The following TRIM42 variants were observed in gnomAD, a reference collection of about 807,000 sequenced individuals.
TRIM42 encodes the protein tripartite motif containing 42, also known as tripartite motif-containing protein 42.
Under a neutral mutation model 64.9 loss-of-function variants are expected in TRIM42, and 59 were observed. The observed-to-expected ratio is 0.91, with a 90% CI of 0.74 to 1.13. TRIM42 has a LOEUF of 1.13. Ranked by LOEUF, TRIM42 falls within the 50% of genes most tolerant of loss-of-function variation. The pLI is 0.00. For missense variants in TRIM42, 878 were observed against 929.5 expected (o/e 0.94, Z 0.72); for synonymous variants, 354 against 346.3 (o/e 1.02, Z -0.25).
intron 4 of TRIM42, 81 bp from the exon 5 acceptor site, chr3:140,700,807 T>C: frequency 8.1e-7 from 1 of 1,227,850 alleles, no homozygotes. Context: ...ATGATGTGTG[T>C]AGTGTCTGAC....
At chr3:140,685,476 C>T (rs1988525531) in intron 2 of TRIM42, among the ~76,000 whole-genome samples, 1 of 152,188 alleles carries the variant, frequency 6.6e-6, no homozygotes, top group South Asian at 2.1e-4. Context: ...CACCTGAGAG[C>T]TTGTTAGAAA....
chr3:140,678,324 C>T lies in TRIM42; in HGVS notation c.95C>T (p.Thr32Ile), dbSNP rs1559933825. ...CSCLCCKFIF[T>I]SERNCTCFPC... is the part of the protein sequence containing the mutation. ...TGTCTGTGCTGCAAGTTCATCTTCA[C>T]CTCAGAGCGGAACTGCACCTGCTTC... The change falls in exon 1 of 5, where the codon ACC becomes ATC. Residue 32 changes from threonine to isoleucine, a missense_variant. Physicochemically the swap from Thr to Ile is moderately conservative, Grantham distance 89. Coordinates refer to ENST00000286349, the MANE Select transcript of TRIM42 (RefSeq NM_152616.5). 2 of 1,614,188 alleles carry T rather than the reference C, an allele frequency of 1.2e-6. No homozygotes were observed. Among genetic ancestry groups the T allele is most frequent in the South Asian group, 1.1e-5 (1 of 91,080 alleles).
At position 140,682,578 on chromosome 3, in the gene TRIM42, G is replaced by T. The variant is rs141726317; in HGVS notation, c.458G>T (p.Arg153Leu). The change falls in exon 2 of 5, where the codon CGC (arginine) becomes CTC (leucine). Residue 153 changes from arginine to leucine, a missense_variant. Coordinates refer to ENST00000286349, the MANE Select transcript of TRIM42 (RefSeq NM_152616.5). The stretch of plus-strand genomic sequence containing the variant: ...AATTGCCCCATGTGCAGCCGGCTGC[G>T]CCTGCACTCATTCATGCTGCCCTGC... ...HLNCPMCSRL[R>L]LHSFMLPCNH... The T allele has an allele frequency of 2.7e-4, 428 of 1,614,120 alleles. 1 individual carries two copies. Among genetic ancestry groups the T allele is most frequent in the Non-Finnish European group, 3.5e-4 (418 of 1,180,010 alleles).
In TRIM42 at chr3:140,678,169, A is replaced by G; in HGVS notation, c.-61A>G. 2.1e-6 allele frequency: 3 copies of G among 1,422,158 alleles called. No homozygotes were observed. The highest frequency in any genetic ancestry group is 2.5e-5 in the South Asian group (2 of 80,118). 88.1% of individuals were successfully genotyped at this position (1,422,158 alleles called of 1,614,324 possible). A position where few individuals can be genotyped will look rare whatever the true frequency, so the allele number is the denominator to read the frequency against. On this transcript the variant is annotated 5_prime_UTR_variant, in exon 1 of 5. Transcript: ENST00000286349. ...ACTCCTCCACTGGAGAACTGATAGC[A>G]GTATTCTGGTAGAGGAGGCATCAAG...
chr3:140,698,847 A>G (rs1290328649), intron 4 of TRIM42, among the ~76,000 whole-genome samples: 2 of 152,204 alleles, frequency 1.3e-5, no homozygotes, highest in Middle Eastern at 3.4e-3. Flanking sequence ...GTTTACTTAC[A>G]ATTCTCACAA....
Position 140,692,593 on chromosome 3 carries a change from G to A in TRIM42, c.2085+1401G>A, listed in dbSNP as rs1988751455. Among the ~76,000 whole-genome samples the A allele has an allele frequency of 4.0e-5, 4 of 98,782 alleles. No homozygotes were observed. The South Asian group carries it at 9.7e-4, about 24-fold the overall frequency. 64.8% of individuals were successfully genotyped at this position (98,782 alleles called of 152,430 possible). A position where few individuals can be genotyped will look rare whatever the true frequency, so the allele number is the denominator to read the frequency against. On this transcript the variant is annotated intron_variant, in intron 4 of 4. Coordinates refer to ENST00000286349, the MANE Select transcript of TRIM42 (RefSeq NM_152616.5). ...GAGATAGAGAGAGAGAGAGAGAGAG[G>A]TCAAACCTGGCACAGGAAGGATGTG... is the stretch of plus-strand genomic sequence containing the variant.
intron 4 of TRIM42, among the ~76,000 whole-genome samples, chr3:140,697,732 G>A (rs1020463444): frequency 2.0e-5 from 3 of 152,184 alleles, no homozygotes; most frequent in African/African-American, 4.8e-5. Flanking sequence ...CGCCCAGGCT[G>A]GAGTGCAGTG....
intron 4 of TRIM42, among the ~76,000 whole-genome samples, chr3:140,698,629 TTTACAGACTG>T (rs1988918390): frequency 3.3e-5 from 5 of 152,072 alleles, no homozygotes; most frequent in African/African-American, 1.2e-4. Context: ...AACCAAATAG[TTTACAGACTG>T]TTGATATTAT....
chr3:140,695,469 C>T (rs1353036625), intron 4 of TRIM42, among the ~76,000 whole-genome samples: 2 of 152,076 alleles, frequency 1.3e-5, no homozygotes, highest in African/African-American at 4.8e-5. Context: ...CTGGGTCTTT[C>T]CCTGTTAGCT....
rs114532663 is a variant in TRIM42, at chr3:140,682,579, C to T, written c.459C>T (p.Arg153=). The T allele has an allele frequency of 1.9e-6, 3 of 1,614,246 alleles. No homozygotes were observed. The East Asian group carries it at 6.7e-5, about 36-fold the overall frequency. The change falls in exon 2 of 5, where the codon CGC becomes CGT. Residue 153 remains arginine (R), a synonymous_variant. Transcript: ENST00000286349. ...HLNCPMCSRL[R]LHSFMLPCNH... ...ATTGCCCCATGTGCAGCCGGCTGCG[C>T]CTGCACTCATTCATGCTGCCCTGCA...
intron 4 of TRIM42, among the ~76,000 whole-genome samples, chr3:140,695,423 A>G (rs1988822995): frequency 6.6e-6 from 1 of 152,046 alleles, no homozygotes; most frequent in Non-Finnish European, 1.5e-5. Flanking sequence ...GGAGGTAAAA[A>G]TTCAAGCCCA....
rs1988448048 is a variant in TRIM42, at chr3:140,682,905, G to A, written c.785G>A (p.Cys262Tyr). ...ITCRLNLCND[C>Y]LKAFHSDVAM... ...TGCCGCCTCAACCTGTGCAACGACT[G>A]CCTCAAGGCCTTCCACTCGGATGTG... The change falls in exon 2 of 5, where the codon TGC (cysteine) becomes TAC (tyrosine). Residue 262 changes from cysteine (C) to tyrosine (Y), a missense_variant. Transcript: ENST00000286349. 1 of 1,614,234 alleles carries A rather than the reference G, an allele frequency of 6.2e-7. No homozygotes were observed. Among genetic ancestry groups the A allele is most frequent in the Non-Finnish European group, 8.5e-7 (1 of 1,180,044 alleles).
At chr3:140,691,284 C>A in intron 4 of TRIM42, 92 bp downstream of exon 4, 1 of 1,044,508 alleles carries the variant, frequency 9.6e-7, no homozygotes, top group Non-Finnish European at 1.5e-6. Flanking sequence ...TTATAGAACT[C>A]ACTATGGGAC....
chr3:140,695,682 T>G (rs559083480), intron 4 of TRIM42, among the ~76,000 whole-genome samples: 121 of 152,316 alleles, frequency 7.9e-4, no homozygotes, highest in African/African-American at 2.0e-3. Flanking sequence ...CTGGCCATCA[T>G]GAAATTCCCT....
rs777548360 is a variant in TRIM42, at chr3:140,678,442, C to T, written c.213C>T (p.Ala71=). Residue 71 remains alanine (A), a synonymous_variant, in exon 1 of 5, where the codon GCC becomes GCT. Coordinates refer to ENST00000286349, the MANE Select transcript of TRIM42 (RefSeq NM_152616.5). ...PNCHWCCCSW[A]NDPNCKCCCT... is the part of the protein sequence containing the mutation. ...GCCATTGGTGTTGCTGCTCTTGGGC[C>T]AATGATCCCAACTGTAAGTGCTGCT... is the stretch of plus-strand genomic sequence containing the variant. 4.3e-6 allele frequency: 7 copies of T among 1,614,032 alleles called. No homozygotes were observed. The highest frequency in any genetic ancestry group is 1.3e-5 in the African/African-American group (1 of 74,906).
In TRIM42 at chr3:140,688,172, T is replaced by C. The variant is rs115756407; in HGVS notation, c.1490T>C (p.Val497Ala). 172 of 1,614,170 alleles carry C rather than the reference T, an allele frequency of 1.1e-4. No homozygotes were observed. The East Asian group carries it at 3.5e-3, about 32-fold the overall frequency. ...HELFPTGPKKVRSSGDSLPSP... is the reference protein window; with the variant it reads ...HELFPTGPKKARSSGDSLPSP... The stretch of plus-strand genomic sequence containing the variant: ...CTCTTCCCCACAGGGCCCAAGAAGG[T>C]ACGCTCCTCAGGGGACTCCCTGCCC... Residue 497 changes from valine to alanine, a missense_variant, in exon 3 of 5, where the codon GTA (valine) becomes GCA (alanine). Val to Ala is a moderately conservative substitution (Grantham distance 64, BLOSUM62 0). Transcript: ENST00000286349.
chr3:140,692,874 G>C (rs1372278681), intron 4 of TRIM42, among the ~76,000 whole-genome samples: 1 of 152,150 alleles, frequency 6.6e-6, no homozygotes, highest in Admixed American at 6.5e-5. Flanking sequence ...TAAAATATAT[G>C]TAATCTATTA....
intron 2 of TRIM42, among the ~76,000 whole-genome samples, chr3:140,685,380 G>C (rs1296656234): frequency 6.6e-6 from 1 of 152,208 alleles, no homozygotes; most frequent in Non-Finnish European, 1.5e-5. Flanking sequence ...GTGCAGCCAA[G>C]GTCGAGAACC....
rs1398209926 is a variant in TRIM42 at position 140,678,069 on chromosome 3, C to T, written c.-161C>T. On this transcript the variant is annotated 5_prime_UTR_variant, in exon 1 of 5. Coordinates refer to ENST00000286349, the MANE Select transcript of TRIM42 (RefSeq NM_152616.5). The stretch of plus-strand genomic sequence containing the variant: ...CAGCCTATGAGCTTCCTGGTAGGGA[C>T]ACCAGCTGTGAAGTCCTCATAACAG... The T allele has an allele frequency of 3.1e-6, 2 of 651,958 alleles. No homozygotes were observed. The highest frequency in any genetic ancestry group is 2.8e-5 in the Admixed American group (1 of 36,184). The allele number at this position is 651,958 out of a possible 1,614,324, so 40.4% of individuals were successfully genotyped here.
Sources: allele counts gnomAD v4.1 joint callset (sites outside exome capture counted in the v4.1 genomes callset), GRCh38; gene constraint gnomAD v4.1.1; transcripts MANE v1.5; gene names NCBI Gene and HGNC (gene_info 2026-07-23, HGNC 2026-07-21).